The following WDR62 variants were observed in gnomAD, a reference collection of about 807,000 sequenced individuals.
The protein encoded by WDR62 is WD repeat-containing protein 62.
In WDR62, 112 loss-of-function variants were observed where a neutral mutation model predicts 160.6. That is an observed-to-expected ratio of 0.70 (90% CI 0.60 to 0.82). The LOEUF (loss-of-function observed/expected upper bound fraction) is 0.82. Ranked by LOEUF, WDR62 falls within the 40% of genes least tolerant of loss-of-function variation. The probability of loss-of-function intolerance (pLI) is 0.00; values close to 1 mark genes in which losing one functional copy is unlikely to be tolerated. For synonymous variants in WDR62, 792 were observed against 815.1 expected, an observed-to-expected ratio of 0.97 and a Z score of 0.48; for missense variants, 1,819 against 1,983.8, an observed-to-expected ratio of 0.92 and a Z score of 1.58.
chr19:36,081,813 T>C, intron 10 of WDR62: 1 of 641,004 alleles, frequency 1.6e-6, no homozygotes, highest in Non-Finnish European at 2.9e-6. Flanking sequence ...GCTCTGCAGA[T>C]GTGTGGACGT....
chr19:36,110,473 A>C, the WDR62 span, among the ~76,000 whole-genome samples: 8 of 152,278 alleles, frequency 5.3e-5, no homozygotes. Flanking sequence ...CTCCGTCTCA[A>C]AAAAAGAAAA....
intron 29 of WDR62, 47 bp downstream of exon 29, chr19:36,103,254 T>C (rs1973499197): frequency 6.2e-7 from 1 of 1,611,616 alleles, no homozygotes; most frequent in African/African-American, 1.3e-5. Context: ...TCTCGGCGAG[T>C]GGCCGGATGT....
intron 20 of WDR62, among the ~76,000 whole-genome samples, chr19:36,094,511 G>A (rs751312587): frequency 2.6e-5 from 4 of 151,670 alleles, no homozygotes; most frequent in East Asian, 3.9e-4. Flanking sequence ...CTGAGATCGC[G>A]CCACTGCACT....
At chr19:36,080,388 A>G (rs867302044) in intron 9 of WDR62, among the ~76,000 whole-genome samples, 1 of 151,964 alleles carries the variant, frequency 6.6e-6, no homozygotes, top group Middle Eastern at 3.5e-3. Flanking sequence ...TGCTGGGATT[A>G]CAGGCGGGAG....
intron 22 of WDR62, 120 bp from the exon 23 acceptor site, chr19:36,100,628 G>A (rs1973269096): frequency 2.3e-5 from 33 of 1,463,066 alleles, no homozygotes; most frequent in South Asian, 2.1e-4. Flanking sequence ...GCGAGTGGAG[G>A]GCATGGCACA....
At chr19:36,101,460 G>A (rs1568367951) in intron 24 of WDR62, 143 bp downstream of exon 24, 10 of 879,134 alleles carry the variant, frequency 1.1e-5, no homozygotes, top group Non-Finnish European at 1.9e-5. Context: ...GCTGCCTGAG[G>A]ATTCTGGGCC....
At chr19:36,055,206 C>A in intron 1 of WDR62, 58 bp downstream of exon 1, 1 of 1,546,208 alleles carries the variant, frequency 6.5e-7, no homozygotes, top group South Asian at 1.2e-5. Flanking sequence ...TTCCCCTAGT[C>A]CCGTCCTGAG....
chr19:36,089,372 C>A lies in WDR62; in HGVS notation c.1958+66C>A. ...TTGTCCTAGGCTGTCTGCTTTCCTC[C>A]CTCTGTTCCTCTGGTCCCCAAGAAG... On this transcript the variant is annotated intron_variant, in intron 15 of 31. Coordinates refer to ENST00000401500, the MANE Select transcript of WDR62 (RefSeq NM_001083961.2). 5 of 1,612,282 alleles carry A rather than the reference C, an allele frequency of 3.1e-6. No individual in the cohort carries two copies. The South Asian group carries it at 5.5e-5, about 18-fold the overall frequency.
At chr19:36,068,464 G>C (rs1971064943) in intron 7 of WDR62, among the ~76,000 whole-genome samples, 1 of 152,188 alleles carries the variant, frequency 6.6e-6, no homozygotes, top group Non-Finnish European at 1.5e-5. Context: ...ACAAACAAGT[G>C]AACAAAGGTC....
At chr19:36,098,263 T>C in intron 21 of WDR62, among the ~76,000 whole-genome samples, 1 of 140,634 alleles carries the variant, frequency 7.1e-6, no homozygotes, top group East Asian at 2.1e-4. Flanking sequence ...CCTTGTCTCT[T>C]AAAAAAAAAA....
chr19:36,076,878 G>A (rs768542448), intron 9 of WDR62, among the ~76,000 whole-genome samples: 22 of 152,058 alleles, frequency 1.4e-4, no homozygotes, highest in Non-Finnish European at 2.1e-4. Context: ...TACAGGATCT[G>A]AATATGTAGC....
At chr19:36,076,859 T>C (rs1055772892) in intron 9 of WDR62, among the ~76,000 whole-genome samples, 1 of 152,202 alleles carries the variant, frequency 6.6e-6, no homozygotes, top group Non-Finnish European at 1.5e-5. Flanking sequence ...AAAATAGTTA[T>C]ACTATATTTA....
chr19:36,103,705 G>A lies in WDR62; in HGVS notation c.3877G>A (p.Ala1293Thr). 6.2e-7 allele frequency: 1 copy of A among 1,610,626 alleles called. No homozygotes were observed. The change falls in exon 30 of 32, where the codon GCC becomes ACC. Residue 1293 changes from alanine to threonine, a missense_variant. Coordinates refer to ENST00000401500, the MANE Select transcript of WDR62 (RefSeq NM_001083961.2). ...PALRSWGNHE[A>T]RANLRLTLSS... ...CCTGCGTTCCTGGGGCAACCACGAGGCCCGGGCCAACCTGAGACTGACCCT... is the reference window on the plus strand; with the variant it reads ...CCTGCGTTCCTGGGGCAACCACGAGACCCGGGCCAACCTGAGACTGACCCT...
chr19:36,104,099 G>T (rs1973584087), intron 30 of WDR62, 118 bp downstream of exon 30: 2 of 1,309,648 alleles, frequency 1.5e-6, no homozygotes, highest in South Asian at 2.4e-5. Flanking sequence ...ATTCATTCGT[G>T]CATTAACTTA....
At chr19:36,079,286 GC>G (rs1971758790) in intron 9 of WDR62, among the ~76,000 whole-genome samples, 1 of 151,898 alleles carries the variant, frequency 6.6e-6, no homozygotes, top group Admixed American at 6.6e-5. Context: ...TCATTATACT[GC>G]CCAGGCTTGT....
intron 19 of WDR62, among the ~76,000 whole-genome samples, chr19:36,093,320 G>A (rs1245122936): frequency 1.3e-5 from 2 of 152,228 alleles, no homozygotes; most frequent in South Asian, 2.1e-4. Context: ...TTACTCCCAC[G>A]TGAAAGCTGT....
chr19:36,106,997 G>GC (rs1445465822), downstream of WDR62, among the ~76,000 whole-genome samples: 3 of 152,082 alleles, frequency 2.0e-5, no homozygotes, highest in Non-Finnish European at 2.9e-5. Context: ...TTGGTGTTCA[G>GC]CCCCCCAGGC....
intron 20 of WDR62, among the ~76,000 whole-genome samples, chr19:36,094,705 C>T (rs1972850953): frequency 6.6e-6 from 1 of 151,108 alleles, no homozygotes; most frequent in Non-Finnish European, 1.5e-5. Context: ...GCCTGGGCAA[C>T]ATAGCGAGAG....
chr19:36,071,756 C>T, intron 8 of WDR62, 40 bp downstream of exon 8: 1 of 1,594,848 alleles, frequency 6.3e-7, no homozygotes, highest in African/African-American at 1.3e-5. Flanking sequence ...GGGGCCCACC[C>T]AGAGTCTGTC....
Sources: allele counts gnomAD v4.1 joint callset (sites outside exome capture counted in the v4.1 genomes callset), GRCh38; gene constraint gnomAD v4.1.1; transcripts MANE v1.5; gene names NCBI Gene and HGNC (gene_info 2026-07-23, HGNC 2026-07-21).